Variants in TXNRD1 observed in about 807,000 individuals in gnomAD.
TXNRD1 encodes thioredoxin reductase 1, cytoplasmic.
A neutral mutation model predicts 80.3 loss-of-function variants in TXNRD1; 57 were observed. That is an observed-to-expected ratio of 0.71 (90% CI 0.57 to 0.89). TXNRD1 has a LOEUF of 0.89. TXNRD1 is among the 40% of genes least tolerant of loss of function. TXNRD1 has a pLI of 0.00. For missense variants in TXNRD1, 730 were observed against 803.0 expected, an observed-to-expected ratio of 0.91 and a Z score of 1.10; for synonymous variants, 291 against 285.2, an observed-to-expected ratio of 1.02 and a Z score of -0.20.
chr12:104,342,156 G>T (rs1032180701), intron 16 of TXNRD1, among the ~76,000 whole-genome samples: 6 of 152,074 alleles, frequency 3.9e-5, no homozygotes, highest in African/African-American at 1.4e-4. Context: ...ATTGGCCATT[G>T]GTAATTACCC....
intron 1 of TXNRD1, among the ~76,000 whole-genome samples, chr12:104,222,340 G>C (rs959799299): frequency 6.6e-6 from 1 of 152,048 alleles, no homozygotes; most frequent in Non-Finnish European, 1.5e-5. Flanking sequence ...CGCTGTCAAA[G>C]TATGGTTTTC....
intron 13 of TXNRD1, among the ~76,000 whole-genome samples, chr12:104,327,987 C>T (rs552582212): frequency 2.6e-5 from 4 of 151,128 alleles, no homozygotes; most frequent in South Asian, 2.1e-4. Context: ...GGCGAAACCC[C>T]ATCTCTACTA....
chr12:104,267,105 G>T (rs2033509508), intron 3 of TXNRD1, among the ~76,000 whole-genome samples: 1 of 149,778 alleles, frequency 6.7e-6, no homozygotes, highest in Non-Finnish European at 1.5e-5. Flanking sequence ...GGCAGAACTT[G>T]CAGTGAGCCG....
intron 14 of TXNRD1, among the ~76,000 whole-genome samples, chr12:104,333,391 G>T (rs569172334): frequency 6.6e-6 from 1 of 152,140 alleles, no homozygotes; most frequent in East Asian, 1.9e-4. Flanking sequence ...AAAATGTAAG[G>T]GAAAGAGGAA....
At chr12:104,249,935 C>A (rs200372588) in intron 1 of TXNRD1, among the ~76,000 whole-genome samples, 797 of 102,190 alleles carry the variant, frequency 7.8e-3, no homozygotes, top group Admixed American at 0.013. Context: ...GACGCCGTCT[C>A]AAAAAAAAAA....
chr12:104,218,391 G>A (rs60903309), intron 1 of TXNRD1, among the ~76,000 whole-genome samples: 29,435 of 151,928 alleles, frequency 0.19, 4,266 homozygotes, highest in African/African-American at 0.41. Flanking sequence ...TACAAACGAA[G>A]TATATGCATG....
intron 1 of TXNRD1, among the ~76,000 whole-genome samples, chr12:104,243,302 T>C: frequency 6.6e-6 from 1 of 152,150 alleles, no homozygotes; most frequent in Admixed American, 6.6e-5. Context: ...AAGACTTCTG[T>C]TTTATTTTTC....
intron 1 of TXNRD1, among the ~76,000 whole-genome samples, chr12:104,220,740 C>CG (rs1414977044): frequency 1.9e-4 from 6 of 31,902 alleles, no homozygotes; most frequent in East Asian, 7.8e-4. Flanking sequence ...AAAAAAAAAA[C>CG]GGTGGGGGGG....
intron 10 of TXNRD1, among the ~76,000 whole-genome samples, chr12:104,321,996 C>CTT (rs746500111): frequency 3.9e-5 from 5 of 129,356 alleles, no homozygotes; most frequent in African/African-American, 8.4e-5. Context: ...TTATAGTTGT[C>CTT]TTTTTTTTTT....
In TXNRD1 at chr12:104,253,695, T is replaced by C. The variant is rs1593711261; in HGVS notation, c.243+2017T>C. Among the ~76,000 whole-genome samples the C allele has an allele frequency of 2.6e-5, 4 of 152,138 alleles. No homozygotes were observed. In the East Asian group the frequency reaches 5.8e-4, roughly 22 times the overall value. ...TTGAACTAGTTGCTTATTGAGGGTT[T>C]TTTTGTTTTTGTTTTTGAGACAGAG... On this transcript the variant is annotated intron_variant, in intron 2 of 16. Transcript: ENST00000525566.
intron 14 of TXNRD1, among the ~76,000 whole-genome samples, chr12:104,332,935 A>ATG (rs919882695): frequency 2.0e-5 from 3 of 147,946 alleles, no homozygotes; most frequent in African/African-American, 5.1e-5. Flanking sequence ...GTATATATAT[A>ATG]TGTGTGTGTG....
intron 3 of TXNRD1, among the ~76,000 whole-genome samples, chr12:104,277,079 C>A (rs1317140514): frequency 2.6e-5 from 4 of 151,862 alleles, no homozygotes; most frequent in African/African-American, 9.7e-5. Context: ...GAGACCCTGT[C>A]TCTACAAAAC....
At chr12:104,229,233 T>C (rs1419514496) in intron 1 of TXNRD1, among the ~76,000 whole-genome samples, 1 of 148,100 alleles carries the variant, frequency 6.8e-6, no homozygotes, top group Non-Finnish European at 1.5e-5. Context: ...TTGCAACTTC[T>C]ACCTCCTGGG....
chr12:104,224,775 A>T (rs1315280755), intron 1 of TXNRD1: 4 of 453,964 alleles, frequency 8.8e-6, no homozygotes, highest in South Asian at 6.2e-5. Flanking sequence ...GTGTCAAGTT[A>T]TTCCCTCCTG....
intron 2 of TXNRD1, among the ~76,000 whole-genome samples, chr12:104,257,221 T>C (rs10861180): frequency 0.72 from 108,929 of 151,462 alleles, 39,845 homozygotes; most frequent in East Asian, 0.85. Context: ...TGTATAACCA[T>C]GAGCATAAGA....
chr12:104,243,563 G>A (rs1330498760), intron 1 of TXNRD1, among the ~76,000 whole-genome samples: 1 of 152,166 alleles, frequency 6.6e-6, no homozygotes, highest in East Asian at 1.9e-4. Context: ...GAGAGTGGTG[G>A]TGTGTTTGCC....
At chr12:104,321,506 AT>A (rs1327629001) in intron 10 of TXNRD1, among the ~76,000 whole-genome samples, 190 bp downstream of exon 10, 1 of 152,058 alleles carries the variant, frequency 6.6e-6, no homozygotes, top group Non-Finnish European at 1.5e-5. Context: ...CTTTGTTCTT[AT>A]TTGTAGATTA....
chr12:104,315,419 CAACAT>C (rs373290338), intron 6 of TXNRD1, among the ~76,000 whole-genome samples: 2 of 152,216 alleles, frequency 1.3e-5, no homozygotes, highest in African/African-American at 4.8e-5. Flanking sequence ...GTATGGGTAT[CAACAT>C]AAAGAGAAAA....
At chr12:104,294,391 G>A (rs1003080334) in intron 4 of TXNRD1, among the ~76,000 whole-genome samples, 12 of 151,936 alleles carry the variant, frequency 7.9e-5, no homozygotes, top group African/African-American at 2.4e-4. Context: ...GGCCCTGTTC[G>A]GGCATAACAG....
Sources: allele counts gnomAD v4.1 joint callset (sites outside exome capture counted in the v4.1 genomes callset), GRCh38; gene constraint gnomAD v4.1.1; transcripts MANE v1.5; gene names NCBI Gene and HGNC (gene_info 2026-07-23, HGNC 2026-07-21).